Variants in CENPO observed in about 807,000 individuals in gnomAD.
CENPO encodes centromeric protein O.
A neutral mutation model predicts 36.1 loss-of-function variants in CENPO; 30 were observed. The ratio of observed to expected loss-of-function variants is 0.83; its 90% CI spans 0.62 to 1.13. CENPO has a LOEUF of 1.13. Ranked by LOEUF, CENPO falls within the 50% of genes most tolerant of loss-of-function variation. The pLI is 0.00. For synonymous variants in CENPO, 171 were observed against 142.3 expected (o/e 1.20, Z -1.44); for missense variants, 349 against 357.8 (o/e 0.98, Z 0.20).
In CENPO at chr2:24,820,379, G is replaced by A. The variant is rs1667420120; in HGVS notation, c.*1061G>A. On this transcript the variant is annotated 3_prime_UTR_variant, in exon 8 of 8. Transcript: ENST00000380834. ...CCATGGTCACCTGGGTGGCAGCACT[G>A]TTACCTGGAAACTGCCACTGCCTGC... The A allele has an allele frequency of 6.1e-6, 8 of 1,316,478 alleles. No homozygotes were observed. In the South Asian group the frequency reaches 1.6e-4, roughly 26 times the overall value. The allele number at this position is 1,316,478 out of a possible 1,614,324, so 81.5% of individuals were successfully genotyped here. A position where few individuals can be genotyped will look rare whatever the true frequency, so the allele number is the denominator to read the frequency against.
At chr2:24,815,229 C>A (rs1666885144) in intron 4 of CENPO, among the ~76,000 whole-genome samples, 1 of 146,038 alleles carries the variant, frequency 6.8e-6, no homozygotes, top group Admixed American at 6.8e-5. Context: ...CAGAGTGAAA[C>A]CCTATCTCAA....
chr2:24,818,933 G>A (rs1463517153), intron 7 of CENPO, among the ~76,000 whole-genome samples: 5 of 152,250 alleles, frequency 3.3e-5, no homozygotes, highest in Admixed American at 6.5e-5. Flanking sequence ...AGTAACCTCC[G>A]TGTGGGAGAG....
At chr2:24,813,983 C>T (rs1006289212) in intron 3 of CENPO, among the ~76,000 whole-genome samples, 1 of 152,170 alleles carries the variant, frequency 6.6e-6, no homozygotes, top group African/African-American at 2.4e-5. Context: ...TAGCTAGCAG[C>T]GTAAGCCTTG....
At chr2:24,794,933 T>G (rs1290820900) in intron 2 of CENPO, among the ~76,000 whole-genome samples, 1 of 152,236 alleles carries the variant, frequency 6.6e-6, no homozygotes, top group Non-Finnish European at 1.5e-5. Flanking sequence ...AATTTGGTTA[T>G]CCTATTTTTC....
rs566969211 is a variant in CENPO at position 24,793,724 on chromosome 2, A to G, written c.-68-128A>G. On this transcript the variant is annotated intron_variant, in intron 1 of 7. Coordinates refer to ENST00000380834, the MANE Select transcript of CENPO (RefSeq NM_001322101.2). ...TGGGAGAGGGCGGGCGGCTCAGGAA[A>G]GGGGATCCTAGCCGTGACATTTGTG... 213 of 954,038 alleles carry G rather than the reference A, an allele frequency of 2.2e-4. 1 individual carries two copies. In the African/African-American group the frequency reaches 3.2e-3, roughly 14 times the overall value. 59.1% of individuals were successfully genotyped at this position (954,038 alleles called of 1,614,324 possible).
chr2:24,820,644 A>G lies in CENPO; in HGVS notation c.*1326A>G. ...ACTGTTCAGGGCCAGGGTGGGAGGC[A>G]GGGGCACGTGGGAAAGCACTGTTCC... is the stretch of plus-strand genomic sequence containing the variant. On this transcript the variant is annotated 3_prime_UTR_variant, in exon 8 of 8. Transcript: ENST00000380834. 3.8e-6 allele frequency: 6 copies of G among 1,584,056 alleles called. No homozygotes were observed. The highest frequency in any genetic ancestry group is 5.2e-6 in the Non-Finnish European group (6 of 1,162,042).
intron 3 of CENPO, 51 bp downstream of exon 3, chr2:24,799,895 G>A (rs569383201): frequency 1.3e-5 from 20 of 1,584,162 alleles, no homozygotes; most frequent in South Asian, 1.0e-4. Context: ...ATGAACAAAC[G>A]TGATTTGGGA....
In CENPO at chr2:24,799,799, T is replaced by C. The variant is rs772787424; in HGVS notation, c.171T>C (p.Arg57=). Residue 57 remains arginine, a synonymous_variant, in exon 3 of 8, where the codon CGT becomes CGC. Transcript: ENST00000380834. The stretch of plus-strand genomic sequence containing the variant: ...GAACCAAGATTCATAAACTAAGGCG[T>C]CTGCGAGATGAGCTGAGGGCTGTGG... ...ALGTKIHKLR[R]LRDELRAVVR... The C allele has an allele frequency of 1.2e-6, 2 of 1,613,664 alleles. No individual in the cohort carries two copies. Among genetic ancestry groups the C allele is most frequent in the South Asian group, 2.2e-5 (2 of 91,050 alleles).
chr2:24,820,920 C>T lies in CENPO; in HGVS notation c.*1602C>T. On this transcript the variant is annotated 3_prime_UTR_variant, in exon 8 of 8. Coordinates refer to ENST00000380834, the MANE Select transcript of CENPO (RefSeq NM_001322101.2). ...TTATGGGCCTCAGAAGCCATCTCCT[C>T]TCCAGACCTGTACCACAAAGCTCCT... is the stretch of plus-strand genomic sequence containing the variant. The T allele has an allele frequency of 2.5e-6, 4 of 1,578,870 alleles. No individual in the cohort carries two copies. The highest frequency in any genetic ancestry group is 1.3e-5 in the African/African-American group (1 of 74,238).
At position 24,799,702 on chromosome 2, in the gene CENPO, AG is replaced by A. The variant is rs775237397; in HGVS notation, c.75del (p.Thr26ProfsTer3). The A allele has an allele frequency of 1.2e-6, 2 of 1,613,924 alleles. No individual in the cohort carries two copies. Among genetic ancestry groups the A allele is most frequent in the Non-Finnish European group, 1.7e-6 (2 of 1,179,946 alleles). ...GTTTTAGCTCACTTGGAAAGGCTAG[AG>A]ACCCAAGTGAGCAGATCCCGTAAAC... is the stretch of plus-strand genomic sequence containing the variant. ...GGVLAHLERL[E>X]TQVSRSRKQS... On this transcript the variant is annotated frameshift_variant, in exon 3 of 8. Coordinates refer to ENST00000380834, the MANE Select transcript of CENPO (RefSeq NM_001322101.2). LOFTEE classifies it high-confidence loss of function.
At position 24,820,386 on chromosome 2, in the gene CENPO, G is replaced by A. The variant is rs1423844543; in HGVS notation, c.*1068G>A. ...CACCTGGGTGGCAGCACTGTTACCT[G>A]GAAACTGCCACTGCCTGCTCTTCTG... On this transcript the variant is annotated 3_prime_UTR_variant, in exon 8 of 8. Transcript: ENST00000380834. The A allele has an allele frequency of 7.6e-7, 1 of 1,314,594 alleles. No individual in the cohort carries two copies. Among genetic ancestry groups the A allele is most frequent in the Non-Finnish European group, 9.7e-7 (1 of 1,035,990 alleles). 81.4% of individuals were successfully genotyped at this position (1,314,594 alleles called of 1,614,324 possible). A position where few individuals can be genotyped will look rare whatever the true frequency, so the allele number is the denominator to read the frequency against.
intron 3 of CENPO, among the ~76,000 whole-genome samples, chr2:24,801,178 G>GT (rs999304227): frequency 3.4e-4 from 52 of 152,214 alleles, no homozygotes; most frequent in African/African-American, 1.3e-3. Context: ...GGGGTTGTTT[G>GT]TTTTTTTCTT....
chr2:24,806,891 T>G (rs1369301383), intron 3 of CENPO, among the ~76,000 whole-genome samples: 6 of 152,220 alleles, frequency 3.9e-5, no homozygotes, highest in Admixed American at 6.5e-5. Flanking sequence ...ATTGCCTTTG[T>G]CCTTCCTCCA....
In CENPO at chr2:24,820,574, G is replaced by A. The variant is rs1353522553; in HGVS notation, c.*1256G>A. On this transcript the variant is annotated 3_prime_UTR_variant, in exon 8 of 8. Transcript: ENST00000380834. Reference sequence around the variant, plus strand: ...TCTTCCTGTGCTGAGGCTAGCTATTGCAGAGATTCTTTTCCACTTGCCCCA... The same window carrying A: ...TCTTCCTGTGCTGAGGCTAGCTATTACAGAGATTCTTTTCCACTTGCCCCA... The A allele has an allele frequency of 2.8e-6, 4 of 1,450,816 alleles. No homozygotes were observed. Among genetic ancestry groups the A allele is most frequent in the Non-Finnish European group, 3.7e-6 (4 of 1,088,876 alleles). The allele number at this position is 1,450,816 out of a possible 1,614,324, so 89.9% of individuals were successfully genotyped here.
In CENPO at chr2:24,796,791, T is replaced by C. The variant is rs73923426; in HGVS notation, c.46+2826T>C. On this transcript the variant is annotated intron_variant, in intron 2 of 7. Coordinates refer to ENST00000380834, the MANE Select transcript of CENPO (RefSeq NM_001322101.2). ...CTGCTTGCATTGAGTGCTAACGAGC[T>C]AGAGTAGCTGCAGGTGAAGGTGGAT... Among the ~76,000 whole-genome samples, 944 of 152,160 alleles carry C rather than the reference T, an allele frequency of 6.2e-3. 14 individuals carry two copies. Among genetic ancestry groups the C allele is most frequent in the African/African-American group, 0.021 (887 of 41,496 alleles).
At chr2:24,805,124 C>T (rs1033642661) in intron 3 of CENPO, among the ~76,000 whole-genome samples, 3 of 152,202 alleles carry the variant, frequency 2.0e-5, no homozygotes, top group Non-Finnish European at 2.9e-5. Context: ...GAATCGGCTA[C>T]TGAGGCTTGT....
intron 7 of CENPO, 42 bp downstream of exon 7, chr2:24,817,883 TGTCTGATGAAGGG>T: frequency 6.5e-7 from 1 of 1,539,398 alleles, no homozygotes. Flanking sequence ...TGGGTAGTAC[TGTCTGATGAAGGG>T]TACATCACCC....
chr2:24,819,135 A>AGAT (rs1437527730), intron 7 of CENPO: 2 of 152,694 alleles, frequency 1.3e-5, no homozygotes, highest in East Asian at 3.8e-4. Context: ...AGCACTCCTC[A>AGAT]GATAAGTGAT....
intron 6 of CENPO, 22 bp downstream of exon 6, chr2:24,816,839 A>T (rs1666957152): frequency 6.4e-7 from 1 of 1,560,278 alleles, no homozygotes; most frequent in Non-Finnish European, 8.7e-7. Context: ...GCCTCAGTGC[A>T]GAAATTCTCA....
Sources: gnomAD v4.1 joint callset for allele counts (sites outside exome capture counted in the v4.1 genomes callset) on GRCh38, gnomAD v4.1.1 for gene constraint, MANE v1.5 for transcripts, NCBI Gene and HGNC (gene_info 2026-07-23, HGNC 2026-07-21) for gene names.